The following METTL16 variants were observed in gnomAD, a reference collection of about 807,000 sequenced individuals.
METTL16 encodes the protein RNA N(6)-adenosine-methyltransferase METTL16.
A neutral mutation model predicts 57.9 loss-of-function variants in METTL16; 19 were observed. The observed-to-expected ratio is 0.33, with a 90% CI of 0.23 to 0.48. The LOEUF (loss-of-function observed/expected upper bound fraction) is 0.48, where lower values mean the gene tolerates loss of function less well. Ranked by LOEUF, METTL16 falls within the 20% of genes least tolerant of loss-of-function variation. METTL16 has a pLI of 0.99. For synonymous variants in METTL16, 246 were observed against 255.6 expected (o/e 0.96, Z 0.36); for missense variants, 434 against 691.5 (o/e 0.63, Z 4.18).
intron 4 of METTL16, among the ~76,000 whole-genome samples, chr17:2,470,103 T>A (rs894814307): frequency 7.2e-5 from 11 of 152,158 alleles, no homozygotes; most frequent in African/African-American, 2.2e-4. Flanking sequence ...CTTTATCGAA[T>A]ATATGTCGCT....
intron 5 of METTL16, among the ~76,000 whole-genome samples, chr17:2,466,869 C>G (rs1231136609): frequency 6.6e-6 from 1 of 151,392 alleles, no homozygotes; most frequent in Non-Finnish European, 1.5e-5. Context: ...GTAACACGAT[C>G]CTGGCTCAAT....
chr17:2,434,584 C>T (rs1429409238), intron 8 of METTL16, among the ~76,000 whole-genome samples: 1 of 152,198 alleles, frequency 6.6e-6, no homozygotes, highest in African/African-American at 2.4e-5. Context: ...AGCAGATGAG[C>T]TCTTTAAAAT....
Position 2,420,365 on chromosome 17 carries a change from AG to A in METTL16, c.1293del (p.Cys432ValfsTer88). The A allele has an allele frequency of 6.2e-7, 1 of 1,612,246 alleles. No individual in the cohort carries two copies. Reference sequence around the variant, plus strand: ...TCGCCTTCCCGCAGAGCAGGCCCACAGGGGGTCCTCTCCTGGGGGCCCCTGG... The same window carrying A: ...TCGCCTTCCCGCAGAGCAGGCCCACAGGGGTCCTCTCCTGGGGGCCCCTGG... The part of the protein sequence containing the change: ...ELARGPQERT[P>X]CGPALREGEA... On this transcript the variant is annotated frameshift_variant, in exon 10 of 10. Transcript: ENST00000263092. LOFTEE classifies it high-confidence loss of function. This position sits in a 1 kb window ranked among gnomAD's most constrained non-coding sequence, Gnocchi z 5.4.
At chr17:2,447,402 A>G (rs1333777407) in intron 6 of METTL16, among the ~76,000 whole-genome samples, 22 of 136,676 alleles carry the variant, frequency 1.6e-4, no homozygotes, top group African/African-American at 6.6e-4. Flanking sequence ...CCGTCTGGGA[A>G]GTGAGGAGCG....
At chr17:2,488,730 T>C (rs2067362031) in intron 2 of METTL16, among the ~76,000 whole-genome samples, 1 of 152,204 alleles carries the variant, frequency 6.6e-6, no homozygotes, top group Admixed American at 6.5e-5. Flanking sequence ...GTCTAACTCA[T>C]GAAAAGGTTC....
chr17:2,441,646 C>T, intron 6 of METTL16, 87 bp from the exon 7 acceptor site: 2 of 718,960 alleles, frequency 2.8e-6, no homozygotes, highest in Non-Finnish European at 4.1e-6. Flanking sequence ...AAGATGAGAA[C>T]AGTAACAAAC....
intron 6 of METTL16, among the ~76,000 whole-genome samples, chr17:2,458,709 CACACACACACAT>C (rs1452007559): frequency 6.6e-6 from 1 of 151,810 alleles, no homozygotes; most frequent in Non-Finnish European, 1.5e-5. Flanking sequence ...AAGACTCTGA[CACACACACACAT>C]ACACACACAC....
intron 1 of METTL16, among the ~76,000 whole-genome samples, chr17:2,507,225 A>G (rs2067548025): frequency 7.0e-6 from 1 of 142,460 alleles, no homozygotes; most frequent in East Asian, 2.3e-4. Flanking sequence ...CCGCCCGGCC[A>G]GCCGCCCCGA....
At chr17:2,464,535 A>G (rs1475537839) in intron 5 of METTL16, among the ~76,000 whole-genome samples, 185 bp from the exon 6 acceptor site, 1 of 152,154 alleles carries the variant, frequency 6.6e-6, no homozygotes, top group East Asian at 1.9e-4. Flanking sequence ...TCATGCAACT[A>G]TTTCTTCCCA....
chr17:2,501,073 C>T (rs2067483529), intron 2 of METTL16, among the ~76,000 whole-genome samples: 1 of 152,002 alleles, frequency 6.6e-6, no homozygotes, highest in Non-Finnish European at 1.5e-5. Flanking sequence ...GGCGAGACTG[C>T]ACCACTGTAC....
intron 6 of METTL16, among the ~76,000 whole-genome samples, chr17:2,456,498 A>G (rs922485886): frequency 2.6e-5 from 4 of 152,212 alleles, no homozygotes; most frequent in Admixed American, 2.6e-4. Flanking sequence ...TGACTGAGAC[A>G]GGGTCTCGTT....
At chr17:2,426,728 CAAAAAAAAAA>C (rs778818177) in intron 8 of METTL16, among the ~76,000 whole-genome samples, 1 of 35,176 alleles carries the variant, frequency 2.8e-5, no homozygotes, top group South Asian at 8.3e-4. Flanking sequence ...GACTCCGTCT[CAAAAAAAAAA>C]AAAAAAAAAA....
chr17:2,419,451 G>C lies in METTL16; in HGVS notation c.*519C>G. 1 of 329,862 alleles carries C rather than the reference G, an allele frequency of 3.0e-6. No individual in the cohort carries two copies. Among genetic ancestry groups the C allele is most frequent in the Non-Finnish European group, 6.0e-6 (1 of 165,538 alleles). The allele number at this position is 329,862 out of a possible 1,614,324, so 20.4% of individuals were successfully genotyped here. Reference sequence around the variant, plus strand: ...CAGCATTACTAAGGTTTCTCTCCCAGATTCCCCACCACCCACCATACAGCT... The same window carrying C: ...CAGCATTACTAAGGTTTCTCTCCCACATTCCCCACCACCCACCATACAGCT... On this transcript the variant is annotated 3_prime_UTR_variant, in exon 10 of 10. Transcript: ENST00000263092.
chr17:2,478,806 A>G (rs943136972), intron 2 of METTL16, among the ~76,000 whole-genome samples: 1 of 152,156 alleles, frequency 6.6e-6, no homozygotes, highest in African/African-American at 2.4e-5. Context: ...TCAGTGTTTC[A>G]CTTCTTTTTA....
At chr17:2,466,792 T>G (rs925146424) in intron 5 of METTL16, among the ~76,000 whole-genome samples, 1 of 152,166 alleles carries the variant, frequency 6.6e-6, no homozygotes, top group Non-Finnish European at 1.5e-5. Context: ...CATTGTTATT[T>G]TTTTTTGTTT....
intron 1 of METTL16, among the ~76,000 whole-genome samples, chr17:2,506,119 C>T (rs1435050917): frequency 6.6e-6 from 1 of 152,006 alleles, no homozygotes; most frequent in Non-Finnish European, 1.5e-5. Context: ...TTATCTGTAA[C>T]GTTTTTTCCT....
At chr17:2,426,429 C>T (rs2066818911) in intron 8 of METTL16, among the ~76,000 whole-genome samples, 1 of 151,982 alleles carries the variant, frequency 6.6e-6, no homozygotes, top group Non-Finnish European at 1.5e-5. Context: ...TACGTAAAAA[C>T]AGTAAAAAGT....
intron 2 of METTL16, among the ~76,000 whole-genome samples, chr17:2,483,891 A>T (rs986061670): frequency 6.6e-6 from 1 of 152,244 alleles, no homozygotes; most frequent in East Asian, 1.9e-4. Context: ...ATGACGAAGA[A>T]GTTCACATCT....
chr17:2,488,937 CT>C (rs1281408805), intron 2 of METTL16, among the ~76,000 whole-genome samples: 3 of 152,136 alleles, frequency 2.0e-5, no homozygotes, highest in African/African-American at 7.2e-5. Flanking sequence ...AAAATGTCCA[CT>C]TTTTAAACAC....
Sources: allele counts gnomAD v4.1 joint callset (sites outside exome capture counted in the v4.1 genomes callset), GRCh38; gene constraint gnomAD v4.1.1; non-coding constraint Gnocchi (gnomAD v3.1); transcripts MANE v1.5; gene names NCBI Gene and HGNC (gene_info 2026-07-23, HGNC 2026-07-21).